PIBF1: variants seen among roughly 807,000 people sequenced by gnomAD.
The protein encoded by PIBF1 is progesterone immunomodulatory binding factor 1.
In PIBF1, 90 loss-of-function variants were observed where a neutral mutation model predicts 112.5. The ratio of observed to expected loss-of-function variants is 0.80; its 90% CI spans 0.67 to 0.95. The LOEUF (loss-of-function observed/expected upper bound fraction) is 0.95, where lower values mean the gene tolerates loss of function less well. PIBF1 is among the 40% of genes least tolerant of loss of function. The probability of loss-of-function intolerance (pLI) is 0.00; values close to 1 mark genes in which losing one functional copy is unlikely to be tolerated. For synonymous variants in PIBF1, 301 were observed against 288.6 expected, an observed-to-expected ratio of 1.04 and a Z score of -0.44; for missense variants, 915 against 852.3, an observed-to-expected ratio of 1.07 and a Z score of -0.92.
intron 12 of PIBF1, among the ~76,000 whole-genome samples, chr13:72,916,584 C>T (rs1403684437): frequency 6.6e-6 from 1 of 151,706 alleles, no homozygotes; most frequent in Non-Finnish European, 1.5e-5. Context: ...GTAAGGCCAT[C>T]AATACATGCT....
chr13:72,952,035 C>T (rs1335071033), intron 14 of PIBF1, among the ~76,000 whole-genome samples: 8 of 122,972 alleles, frequency 6.5e-5, no homozygotes, highest in Non-Finnish European at 1.0e-4. Flanking sequence ...TTTCTTTTCT[C>T]TTTTTTTTTT....
chr13:72,890,866 G>A (rs746251237), intron 10 of PIBF1, among the ~76,000 whole-genome samples: 11 of 152,086 alleles, frequency 7.2e-5, no homozygotes, highest in Non-Finnish European at 1.5e-4. Flanking sequence ...CATTTTCAGA[G>A]TTCAGTTTAA....
chr13:72,850,076 T>C (rs1159114761), intron 9 of PIBF1, among the ~76,000 whole-genome samples: 1 of 152,210 alleles, frequency 6.6e-6, no homozygotes, highest in African/African-American at 2.4e-5. Context: ...AAAGTATCTA[T>C]TTCTTATAAG....
At chr13:73,001,486 A>C (rs1004571985) in intron 17 of PIBF1, among the ~76,000 whole-genome samples, 1 of 150,808 alleles carries the variant, frequency 6.6e-6, no homozygotes, top group Admixed American at 6.7e-5. Flanking sequence ...TTCCATATGC[A>C]TTGACAATAT....
intron 2 of PIBF1, among the ~76,000 whole-genome samples, chr13:72,785,352 T>C (rs1271711658): frequency 6.6e-6 from 1 of 152,192 alleles, no homozygotes; most frequent in Non-Finnish European, 1.5e-5. Context: ...GTTTTTGTAT[T>C]CATGGTTGTA....
At chr13:73,003,593 T>C (rs2043942593) in intron 17 of PIBF1, among the ~76,000 whole-genome samples, 1 of 151,922 alleles carries the variant, frequency 6.6e-6, no homozygotes, top group Non-Finnish European at 1.5e-5. Context: ...AAGAAGCATT[T>C]ACTGACTATA....
intron 16 of PIBF1, among the ~76,000 whole-genome samples, chr13:72,997,215 A>C (rs1287970009): frequency 6.6e-6 from 1 of 152,212 alleles, no homozygotes; most frequent in African/African-American, 2.4e-5. Flanking sequence ...TTTCAGATAG[A>C]AAGTTTTTCT....
intron 11 of PIBF1, among the ~76,000 whole-genome samples, chr13:72,894,230 C>T (rs957948615): frequency 1.4e-4 from 21 of 151,890 alleles, no homozygotes; most frequent in Admixed American, 4.6e-4. Context: ...AGAATGTATA[C>T]GAAGAAAACT....
At chr13:72,998,779 A>C in intron 16 of PIBF1, 43 bp from the exon 17 acceptor site, 1 of 1,425,764 alleles carries the variant, frequency 7.0e-7, no homozygotes, top group Non-Finnish European at 9.7e-7. Flanking sequence ...TCTGCTTGCT[A>C]AAATCACTCT....
At chr13:73,010,226 C>T (rs1420967173) in intron 17 of PIBF1, among the ~76,000 whole-genome samples, 1 of 108,124 alleles carries the variant, frequency 9.2e-6, no homozygotes, top group Admixed American at 1.4e-4. Context: ...ATTTTCTATG[C>T]TAGTTTTTTT....
intron 6 of PIBF1, among the ~76,000 whole-genome samples, chr13:72,822,953 G>A (rs962963851): frequency 1.3e-5 from 2 of 152,138 alleles, no homozygotes; most frequent in African/African-American, 4.8e-5. Flanking sequence ...TGAAGTAGAG[G>A]GCATAGTGGC....
intron 9 of PIBF1, among the ~76,000 whole-genome samples, chr13:72,839,853 T>G (rs2037526484): frequency 6.6e-6 from 1 of 152,144 alleles, no homozygotes; most frequent in Admixed American, 6.5e-5. Context: ...GTAGGAAAAC[T>G]GAAAGCAGAT....
chr13:72,856,747 T>C (rs2138340083), intron 10 of PIBF1, among the ~76,000 whole-genome samples: 1 of 152,332 alleles, frequency 6.6e-6, no homozygotes, highest in African/African-American at 2.4e-5. Context: ...GTAATGTTGA[T>C]AAATGACATT....
intron 14 of PIBF1, among the ~76,000 whole-genome samples, chr13:72,948,978 C>G (rs921601267): frequency 2.0e-5 from 3 of 152,130 alleles, no homozygotes; most frequent in Non-Finnish European, 4.4e-5. Context: ...GAACACAAAG[C>G]CTAACCATAT....
At chr13:72,833,565 A>C (rs999155883) in intron 8 of PIBF1, among the ~76,000 whole-genome samples, 1 of 152,168 alleles carries the variant, frequency 6.6e-6, no homozygotes, top group South Asian at 2.1e-4. Context: ...TTGCCTGGAT[A>C]TCACCAGCGG....
intron 17 of PIBF1, among the ~76,000 whole-genome samples, chr13:73,007,542 G>T (rs1484557883): frequency 5.9e-5 from 9 of 152,138 alleles, no homozygotes; most frequent in Non-Finnish European, 8.8e-5. Context: ...AGGCGCAGTG[G>T]CTCACGCCTG....
intron 10 of PIBF1, among the ~76,000 whole-genome samples, chr13:72,864,756 T>C (rs1009809831): frequency 1.3e-5 from 2 of 152,176 alleles, no homozygotes; most frequent in Non-Finnish European, 2.9e-5. Flanking sequence ...TTTTAAAATA[T>C]GATGTTTACT....
chr13:72,844,743 A>ACACG (rs2138260758), intron 9 of PIBF1, among the ~76,000 whole-genome samples: 1 of 78,190 alleles, frequency 1.3e-5, no homozygotes, highest in South Asian at 5.1e-4. Context: ...ACACACACAC[A>ACACG]CACACACACA....
At chr13:72,865,287 G>A (rs2038877155) in intron 10 of PIBF1, among the ~76,000 whole-genome samples, 1 of 152,120 alleles carries the variant, frequency 6.6e-6, no homozygotes, top group Non-Finnish European at 1.5e-5. Context: ...ATAGGCAGTA[G>A]TATGTTTTCT....
Sources: gnomAD v4.1 joint callset for allele counts (sites outside exome capture counted in the v4.1 genomes callset) on GRCh38, gnomAD v4.1.1 for gene constraint, MANE v1.5 for transcripts, NCBI Gene and HGNC (gene_info 2026-07-23, HGNC 2026-07-21) for gene names.